TTBK2: variants seen among roughly 807,000 people sequenced by gnomAD.
TTBK2 encodes the protein tau-tubulin kinase 2.
A neutral mutation model predicts 110.8 loss-of-function variants in TTBK2; 28 were observed. That is an observed-to-expected ratio of 0.25 (90% CI 0.19 to 0.35). TTBK2 has a LOEUF of 0.35. Ranked by LOEUF, TTBK2 falls within the 10% of genes least tolerant of loss-of-function variation. The pLI, the probability that TTBK2 is intolerant of heterozygous loss-of-function variation, is 1.00. For synonymous variants in TTBK2, 532 were observed against 527.3 expected, an observed-to-expected ratio of 1.01 and a Z score of -0.12; for missense variants, 1,369 against 1,500.3, an observed-to-expected ratio of 0.91 and a Z score of 1.45.
chr15:42,816,216 G>A (rs1167540513), intron 7 of TTBK2, among the ~76,000 whole-genome samples: 5 of 145,840 alleles, frequency 3.4e-5, no homozygotes, highest in Non-Finnish European at 4.5e-5. Flanking sequence ...TCCCAGGTTC[G>A]AGTGATTCTT....
At chr15:42,825,082 G>A (rs561522840) in intron 6 of TTBK2, among the ~76,000 whole-genome samples, 63 of 151,926 alleles carry the variant, frequency 4.1e-4, no homozygotes, top group Non-Finnish European at 7.2e-4. Context: ...CTGCACTCCC[G>A]CCTGTGCAAC....
intron 6 of TTBK2, among the ~76,000 whole-genome samples, chr15:42,823,082 A>G (rs1892375718): frequency 6.6e-6 from 1 of 152,240 alleles, no homozygotes; most frequent in African/African-American, 2.4e-5. Context: ...ATTCTGAAAT[A>G]CTAACAGAGA....
chr15:42,822,466 C>T (rs1892345771), intron 6 of TTBK2, among the ~76,000 whole-genome samples: 1 of 151,830 alleles, frequency 6.6e-6, no homozygotes, highest in Admixed American at 6.6e-5. Flanking sequence ...CCTTGAAGGG[C>T]TGACAGAATT....
chr15:42,821,989 C>T (rs1190602495), intron 6 of TTBK2, among the ~76,000 whole-genome samples: 2 of 150,010 alleles, frequency 1.3e-5, no homozygotes, highest in Non-Finnish European at 3.0e-5. Context: ...CATGCCCAGC[C>T]TCTTGCCAGG....
intron 4 of TTBK2, among the ~76,000 whole-genome samples, chr15:42,831,542 A>G (rs925503303): frequency 1.3e-5 from 2 of 152,224 alleles, no homozygotes; most frequent in Non-Finnish European, 2.9e-5. Flanking sequence ...AGTACCCTAA[A>G]TAGAAGCTGT....
At chr15:42,890,485 A>C (rs1445153666) in intron 1 of TTBK2, among the ~76,000 whole-genome samples, 3 of 152,208 alleles carry the variant, frequency 2.0e-5, no homozygotes, top group Non-Finnish European at 4.4e-5. Flanking sequence ...TCCTTATTAG[A>C]TAATAAACCA....
At chr15:42,766,528 G>C (rs1311169831) in intron 13 of TTBK2, among the ~76,000 whole-genome samples, 1 of 141,620 alleles carries the variant, frequency 7.1e-6, no homozygotes, top group African/African-American at 2.8e-5. Context: ...GATCAAAACA[G>C]ACAAAGAAGG....
chr15:42,911,541 G>A (rs550890674), intron 1 of TTBK2, among the ~76,000 whole-genome samples: 1 of 152,190 alleles, frequency 6.6e-6, no homozygotes, highest in Non-Finnish European at 1.5e-5. Flanking sequence ...ACATGACCCA[G>A]AACCCTGAAA....
chr15:42,793,520 C>T (rs1275632911), intron 10 of TTBK2, among the ~76,000 whole-genome samples: 1 of 152,024 alleles, frequency 6.6e-6, no homozygotes, highest in African/African-American at 2.4e-5. Flanking sequence ...CCACTGCACT[C>T]CAGCTTGGGT....
At chr15:42,772,098 C>A (rs1247275766) in intron 13 of TTBK2, among the ~76,000 whole-genome samples, 1 of 151,936 alleles carries the variant, frequency 6.6e-6, no homozygotes, top group African/African-American at 2.4e-5. Flanking sequence ...CTCGTATAGA[C>A]CCTCATATAT....
chr15:42,882,658 T>C (rs1895093485), intron 1 of TTBK2, among the ~76,000 whole-genome samples: 1 of 151,878 alleles, frequency 6.6e-6, no homozygotes, highest in African/African-American at 2.4e-5. Flanking sequence ...AAAAATAATA[T>C]ATTACTTATA....
chr15:42,895,260 G>A (rs752459912), intron 1 of TTBK2, among the ~76,000 whole-genome samples: 34 of 152,124 alleles, frequency 2.2e-4, no homozygotes, highest in Non-Finnish European at 4.4e-4. Flanking sequence ...AAGTCTTACT[G>A]TATAAAGCTA....
intron 1 of TTBK2, among the ~76,000 whole-genome samples, chr15:42,883,613 AT>A (rs1895135325): frequency 4.6e-5 from 7 of 152,030 alleles, no homozygotes. Flanking sequence ...AGCAAAAAAA[AT>A]AAAAATAAAG....
chr15:42,750,627 A>G (rs2061852488), intron 14 of TTBK2, among the ~76,000 whole-genome samples: 1 of 152,070 alleles, frequency 6.6e-6, no homozygotes, highest in Non-Finnish European at 1.5e-5. Flanking sequence ...GGGGCCATCA[A>G]GCAGACTTGC....
intron 3 of TTBK2, among the ~76,000 whole-genome samples, chr15:42,855,972 A>G (rs369666128): frequency 1.2e-4 from 18 of 152,206 alleles, no homozygotes; most frequent in Admixed American, 2.6e-4. Flanking sequence ...GTGAGCCACC[A>G]TGCCCAGCCA....
chr15:42,833,837 G>C (rs1483382560), intron 4 of TTBK2, among the ~76,000 whole-genome samples: 1 of 152,074 alleles, frequency 6.6e-6, no homozygotes, highest in Non-Finnish European at 1.5e-5. Flanking sequence ...GTAAAACCCC[G>C]TCTCTACTAA....
chr15:42,753,244 T>A lies in TTBK2; in HGVS notation c.2002A>T (p.Thr668Ser). 6.2e-7 allele frequency: 1 copy of A among 1,613,416 alleles called. No homozygotes were observed. The highest frequency in any genetic ancestry group is 1.3e-5 in the African/African-American group (1 of 74,750). The change falls in exon 14 of 15, where the codon ACA becomes TCA. Residue 668 changes from threonine to serine, a missense_variant. This residue lies in a region of TTBK2 where 1,097 missense variants were observed against 1,114.7 expected (regional missense o/e 0.98). Transcript: ENST00000267890. ...AQAEGPLTAI[T>S]IPRPSVASTQ... Reference sequence around the variant, plus strand: ...GATGCCACAGAAGGTCTAGGAATTGTAATCTGGAGAAGGGGAAGAAAAAAT... The same window carrying A: ...GATGCCACAGAAGGTCTAGGAATTGAAATCTGGAGAAGGGGAAGAAAAAAT...
chr15:42,814,050 C>T (rs1278920813), intron 7 of TTBK2, among the ~76,000 whole-genome samples: 24 of 151,952 alleles, frequency 1.6e-4, no homozygotes, highest in Non-Finnish European at 2.9e-4. Context: ...GACAGAGTCT[C>T]GTTGTCGTCA....
At chr15:42,867,109 T>G (rs1894403708) in intron 3 of TTBK2, among the ~76,000 whole-genome samples, 1 of 151,618 alleles carries the variant, frequency 6.6e-6, no homozygotes. Flanking sequence ...CCGGGCATGG[T>G]GGCAGGCGCC....
Sources: gnomAD v4.1 joint callset for allele counts (sites outside exome capture counted in the v4.1 genomes callset) on GRCh38, gnomAD v4.1.1 for gene constraint, gnomAD v4.1.1 regional missense constraint, MANE v1.5 for transcripts, NCBI Gene and HGNC (gene_info 2026-07-23, HGNC 2026-07-21) for gene names.